Variants in HPSE2 observed in about 807,000 individuals in gnomAD.
HPSE2 encodes the protein inactive heparanase-2.
Under a neutral mutation model 60.5 loss-of-function variants are expected in HPSE2, and 38 were observed. The observed-to-expected ratio is 0.63, with a 90% CI of 0.48 to 0.82. The LOEUF is 0.82. Ranked by LOEUF, HPSE2 falls within the 40% of genes least tolerant of loss-of-function variation. The pLI is 0.00. For synonymous variants in HPSE2, 295 were observed against 293.2 expected, an observed-to-expected ratio of 1.01 and a Z score of -0.06; for missense variants, 713 against 740.4, an observed-to-expected ratio of 0.96 and a Z score of 0.43.
intron 7 of HPSE2, 25 bp from the exon 8 acceptor site, chr10:98,620,733 G>A (rs748245201): frequency 2.7e-6 from 4 of 1,490,174 alleles, no homozygotes; most frequent in Non-Finnish European, 3.7e-6. Flanking sequence ...AAAGCAGAAG[G>A]GGATAACGAG....
chr10:99,248,885 C>G, the HPSE2 span, among the ~76,000 whole-genome samples: 2 of 152,218 alleles, frequency 1.3e-5, no homozygotes, highest in Non-Finnish European at 2.9e-5. Flanking sequence ...ACTCCTATTC[C>G]AGAGGGTGCA....
intron 9 of HPSE2, among the ~76,000 whole-genome samples, chr10:98,592,181 G>A (rs1945109279): frequency 2.0e-5 from 3 of 152,148 alleles, no homozygotes; most frequent in Non-Finnish European, 4.4e-5. Context: ...AAATTAATCT[G>A]ATTTTAGTTA....
upstream of HPSE2, among the ~76,000 whole-genome samples, chr10:99,239,438 T>G (rs1388012592): frequency 2.1e-5 from 3 of 140,140 alleles, no homozygotes; most frequent in Admixed American, 7.1e-5. Flanking sequence ...TTTTTTTTTT[T>G]TTTTTTTTTG....
chr10:98,523,441 T>C (rs975297470), intron 9 of HPSE2, among the ~76,000 whole-genome samples: 2 of 152,190 alleles, frequency 1.3e-5, no homozygotes, highest in African/African-American at 4.8e-5. Context: ...AAATAGAATA[T>C]AGACTCTTGG....
chr10:98,506,465 G>C (rs1487519165), intron 9 of HPSE2, among the ~76,000 whole-genome samples: 3 of 151,326 alleles, frequency 2.0e-5, no homozygotes, highest in African/African-American at 7.3e-5. Flanking sequence ...TTTTTTTTGA[G>C]ACAAGGTCTT....
At chr10:99,144,469 T>C (rs1289195032) in intron 2 of HPSE2, 70 bp from the exon 3 acceptor site, 2 of 1,565,508 alleles carry the variant, frequency 1.3e-6, no homozygotes, top group Non-Finnish European at 8.7e-7. Flanking sequence ...ATCATCAAAG[T>C]CTTGTTTCAC....
chr10:99,209,775 C>T lies in HPSE2; in HGVS notation c.448+22573G>A, dbSNP rs534977912. Reference sequence around the variant, plus strand: ...CATGATCTTGGCTCACTGCAACCTCCGCCTCCCGGGTTCAAGCGATTCTTC... The same window carrying T: ...CATGATCTTGGCTCACTGCAACCTCTGCCTCCCGGGTTCAAGCGATTCTTC... On this transcript the variant is annotated intron_variant, in intron 2 of 11. Coordinates refer to ENST00000370552, the MANE Select transcript of HPSE2 (RefSeq NM_021828.5). Among the ~76,000 whole-genome samples the T allele has an allele frequency of 2.6e-5, 4 of 152,258 alleles. No individual in the cohort carries two copies. In the South Asian group the frequency reaches 8.3e-4, roughly 32 times the overall value.
At chr10:99,253,586 C>A in the HPSE2 span, among the ~76,000 whole-genome samples, 1 of 152,036 alleles carries the variant, frequency 6.6e-6, no homozygotes, top group Non-Finnish European at 1.5e-5. Context: ...GCAACTACAA[C>A]AAAAACAAAA....
chr10:98,677,551 T>C (rs1476953487), intron 6 of HPSE2, among the ~76,000 whole-genome samples: 5 of 152,206 alleles, frequency 3.3e-5, no homozygotes, highest in Admixed American at 6.6e-5. Context: ...CCTTATTTAG[T>C]CTTCATGATA....
At chr10:98,859,910 TGAGA>T (rs149306236) in intron 3 of HPSE2, among the ~76,000 whole-genome samples, 1 of 152,098 alleles carries the variant, frequency 6.6e-6, no homozygotes, top group Non-Finnish European at 1.5e-5. Flanking sequence ...TAAGATATTT[TGAGA>T]GAGAGAGATC....
chr10:99,312,397 A>G, the HPSE2 span, among the ~76,000 whole-genome samples: 130,527 of 152,182 alleles, frequency 0.86, 56,369 homozygotes, highest in African/African-American at 0.93. Flanking sequence ...TAAAGCCAGC[A>G]CTCATTTACC....
intron 3 of HPSE2, among the ~76,000 whole-genome samples, chr10:99,039,439 A>G (rs1309110238): frequency 6.6e-6 from 1 of 152,040 alleles, no homozygotes; most frequent in Admixed American, 6.6e-5. Context: ...GGAATAATCA[A>G]CTAAGATAGT....
At chr10:99,262,416 T>G in the HPSE2 span, among the ~76,000 whole-genome samples, 1 of 152,142 alleles carries the variant, frequency 6.6e-6, no homozygotes, top group African/African-American at 2.4e-5. Context: ...ACCTCACTGC[T>G]GCCCTTTTCC....
chr10:99,269,542 G>C, the HPSE2 span, among the ~76,000 whole-genome samples: 3 of 152,142 alleles, frequency 2.0e-5, no homozygotes, highest in Non-Finnish European at 4.4e-5. Flanking sequence ...GCACTAGACA[G>C]GTCATCAAGA....
intron 3 of HPSE2, among the ~76,000 whole-genome samples, chr10:98,789,631 T>C (rs931325896): frequency 6.6e-6 from 1 of 152,194 alleles, no homozygotes; most frequent in African/African-American, 2.4e-5. Flanking sequence ...AGGGCTGACC[T>C]TGGATGAGGC....
chr10:98,563,826 A>C (rs943759189), intron 9 of HPSE2, among the ~76,000 whole-genome samples: 3 of 152,080 alleles, frequency 2.0e-5, no homozygotes, highest in African/African-American at 7.2e-5. Flanking sequence ...GCTTAGTGTG[A>C]ATCATAGCAC....
intron 3 of HPSE2, among the ~76,000 whole-genome samples, chr10:99,137,499 C>G (rs1209352745): frequency 6.6e-6 from 1 of 152,186 alleles, no homozygotes; most frequent in Non-Finnish European, 1.5e-5. Context: ...AATTATACTA[C>G]AAGGCTACAG....
intron 3 of HPSE2, among the ~76,000 whole-genome samples, chr10:98,997,821 A>G (rs1956683773): frequency 6.6e-6 from 1 of 152,240 alleles, no homozygotes; most frequent in Non-Finnish European, 1.5e-5. Context: ...GAAGTAAAGA[A>G]TTCTACAGCC....
intron 6 of HPSE2, among the ~76,000 whole-genome samples, chr10:98,654,568 T>A (rs1463093263): frequency 1.3e-5 from 2 of 152,226 alleles, no homozygotes; most frequent in African/African-American, 4.8e-5. Context: ...TTCTATCATT[T>A]CCTTTTGATT....
Sources: gnomAD v4.1 joint callset for allele counts (sites outside exome capture counted in the v4.1 genomes callset) on GRCh38, gnomAD v4.1.1 for gene constraint, MANE v1.5 for transcripts, NCBI Gene and HGNC (gene_info 2026-07-23, HGNC 2026-07-21) for gene names.